SEL1L: variants seen among roughly 807,000 people sequenced by gnomAD.
The protein encoded by SEL1L is protein sel-1 homolog 1.
SEL1L carries 52 observed loss-of-function variants against 109.8 expected under a neutral mutation model. The ratio of observed to expected loss-of-function variants is 0.47; its 90% CI spans 0.38 to 0.60. SEL1L has a LOEUF of 0.60. Ranked by LOEUF, SEL1L falls within the 20% of genes least tolerant of loss-of-function variation. The pLI is 0.00. For missense variants in SEL1L, 749 were observed against 962.2 expected, an observed-to-expected ratio of 0.78 and a Z score of 2.93; for synonymous variants, 373 against 339.6, an observed-to-expected ratio of 1.10 and a Z score of -1.08.
intron 3 of SEL1L, among the ~76,000 whole-genome samples, chr14:81,521,927 T>C (rs1017239861): frequency 3.3e-5 from 5 of 152,120 alleles, no homozygotes; most frequent in South Asian, 4.1e-4. Context: ...GATGTGGAGG[T>C]GGAAGACAGT....
At chr14:81,510,510 C>CTATATATATATATA (rs1424985040) in intron 3 of SEL1L, among the ~76,000 whole-genome samples, 14 of 108,398 alleles carry the variant, frequency 1.3e-4, no homozygotes, top group East Asian at 2.8e-4. Flanking sequence ...CTCTCTCTCT[C>CTATATATATATATA]TCTCTATATA....
chr14:81,518,780 CA>C (rs1310511553), intron 3 of SEL1L, among the ~76,000 whole-genome samples: 1 of 151,798 alleles, frequency 6.6e-6, no homozygotes, highest in Non-Finnish European at 1.5e-5. Flanking sequence ...TGGCTAAGTC[CA>C]GGCCTCCTAA....
intron 3 of SEL1L, among the ~76,000 whole-genome samples, chr14:81,523,194 T>C (rs1450044540): frequency 6.6e-6 from 1 of 152,114 alleles, no homozygotes; most frequent in African/African-American, 2.4e-5. Context: ...AAACCAACCA[T>C]TAGATTAGAT....
intron 4 of SEL1L, 129 bp downstream of exon 4, chr14:81,505,945 G>T: frequency 1.2e-6 from 1 of 847,166 alleles, no homozygotes. Flanking sequence ...ACTCTTTAAG[G>T]CTGTAATGAC....
intron 1 of SEL1L, among the ~76,000 whole-genome samples, chr14:81,529,536 C>T (rs1440276691): frequency 6.6e-6 from 1 of 152,168 alleles, no homozygotes; most frequent in East Asian, 1.9e-4. Flanking sequence ...CACTTAAAGA[C>T]ATGTACATTT....
intron 13 of SEL1L, 23 bp from the exon 14 acceptor site, chr14:81,489,337 A>G: frequency 6.3e-7 from 1 of 1,591,810 alleles, no homozygotes; most frequent in Non-Finnish European, 8.6e-7. Flanking sequence ...GAAATCAGAC[A>G]AAAGAGTGAA....
rs148819540 is a variant in SEL1L, at chr14:81,513,489, C to T, written c.341-7248G>A. ...GCCACCTTAAGAACTGTAACACTCA[C>T]CGCGAGAGTCCGTGGCTTCATTCTT... On this transcript the variant is annotated intron_variant, in intron 3 of 20. Coordinates refer to ENST00000336735, the MANE Select transcript of SEL1L (RefSeq NM_005065.6). 1.1e-4 allele frequency among the ~76,000 whole-genome samples: 17 copies of T among 152,276 alleles called. No individual in the cohort carries two copies. The East Asian group carries it at 2.5e-3, about 23-fold the overall frequency.
At chr14:81,487,287 A>T in intron 16 of SEL1L, 103 bp downstream of exon 16, 1 of 1,138,722 alleles carries the variant, frequency 8.8e-7, no homozygotes, top group African/African-American at 1.6e-5. Flanking sequence ...GGCTGAGTCT[A>T]GAACTACAGA....
chr14:81,487,491 T>C lies in SEL1L; in HGVS notation c.1531A>G (p.Asn511Asp), dbSNP rs770420137. 1 of 1,607,576 alleles carries C rather than the reference T, an allele frequency of 6.2e-7. No homozygotes were observed. Among genetic ancestry groups the C allele is most frequent in the Non-Finnish European group, 8.5e-7 (1 of 1,178,738 alleles). Residue 511 changes from asparagine (N) to aspartate (D), a missense_variant, in exon 16 of 21, where the codon AAT (asparagine) becomes GAT (aspartate). Coordinates refer to ENST00000336735, the MANE Select transcript of SEL1L (RefSeq NM_005065.6). ...RDYKQALKYF[N>D]LASQGGHILA... ...ATATGGCCTCCCTGAGAAGCTAAAT[T>C]AAAATACTTCAAGGCCTGTTTATAA...
chr14:81,508,380 C>G (rs907231017), intron 3 of SEL1L, among the ~76,000 whole-genome samples: 1 of 152,040 alleles, frequency 6.6e-6, no homozygotes, highest in African/African-American at 2.4e-5. Context: ...AGGAGTCATT[C>G]TGACTACAGA....
chr14:81,488,270 T>C (rs976012427), intron 14 of SEL1L, among the ~76,000 whole-genome samples: 3 of 152,168 alleles, frequency 2.0e-5, no homozygotes, highest in Admixed American at 1.3e-4. Context: ...TTTTTAAACC[T>C]CAATTTTCCT....
intron 4 of SEL1L, among the ~76,000 whole-genome samples, chr14:81,504,954 C>CTG (rs927078575): frequency 5.3e-5 from 8 of 152,282 alleles, no homozygotes; most frequent in Admixed American, 5.2e-4. Flanking sequence ...ATCATGCTTC[C>CTG]TGTACAGCTT....
At chr14:81,528,694 C>T (rs1885209478) in intron 1 of SEL1L, among the ~76,000 whole-genome samples, 1 of 152,130 alleles carries the variant, frequency 6.6e-6, no homozygotes, top group South Asian at 2.1e-4. Context: ...TTCAGTTTTA[C>T]CTGCTCCATA....
chr14:81,533,853 T>G lies in SEL1L; in HGVS notation c.-109A>C. The G allele has an allele frequency of 2.6e-6, 3 of 1,158,402 alleles. No homozygotes were observed. The highest frequency in any genetic ancestry group is 2.5e-6 in the Non-Finnish European group (2 of 800,374). The allele number at this position is 1,158,402 out of a possible 1,614,324, so 71.8% of individuals were successfully genotyped here. A position where few individuals can be genotyped will look rare whatever the true frequency, so the allele number is the denominator to read the frequency against. ...CGCTGCTCTTCCTGCTCTAGTCTCCTTCCTCCGCCCCTTCCCAGGCTTCCC... is the reference window on the plus strand; with the variant it reads ...CGCTGCTCTTCCTGCTCTAGTCTCCGTCCTCCGCCCCTTCCCAGGCTTCCC... On this transcript the variant is annotated 5_prime_UTR_variant, in exon 1 of 21. Transcript: ENST00000336735.
chr14:81,526,750 T>C lies in SEL1L; in HGVS notation c.323A>G (p.Lys108Arg), dbSNP rs1041836244. The C allele has an allele frequency of 1.2e-6, 2 of 1,612,808 alleles. No individual in the cohort carries two copies. Among genetic ancestry groups the C allele is most frequent in the Admixed American group, 3.3e-5 (2 of 59,770 alleles). The change falls in exon 3 of 21, where the codon AAG becomes AGG. Residue 108 changes from lysine to arginine, a missense_variant. Physicochemically the swap from Lys to Arg is conservative, Grantham distance 26. Coordinates refer to ENST00000336735, the MANE Select transcript of SEL1L (RefSeq NM_005065.6). Reference sequence around the variant, plus strand: ...CAGACTACCTGGTTTCCGTACTTTCTTTGGCTCTTCATAGTCCTTGTTTTC... The same window carrying C: ...CAGACTACCTGGTTTCCGTACTTTCCTTGGCTCTTCATAGTCCTTGTTTTC... ...NPENKDYEEP[K>R]KVRKPALTAI...
At chr14:81,504,853 T>C (rs894810717) in intron 4 of SEL1L, among the ~76,000 whole-genome samples, 2 of 152,092 alleles carry the variant, frequency 1.3e-5, no homozygotes, top group Admixed American at 1.3e-4. Flanking sequence ...CTCCTCATCA[T>C]CTCTCTCGTT....
rs1240539361 is a variant in SEL1L at position 81,486,466 on chromosome 14, G to A, written c.1633-12C>T. 2 of 1,603,614 alleles carry A rather than the reference G, an allele frequency of 1.2e-6. No homozygotes were observed. Among genetic ancestry groups the A allele is most frequent in the Middle Eastern group, 1.7e-4 (1 of 5,992 alleles). ...ACATTCTTAAACAACTGTGTGAGGT[G>A]GGGAAAAAAAATATCAGTAGAAGAA... On this transcript the variant is annotated splice_polypyrimidine_tract_variant and intron_variant, in intron 16 of 20. Coordinates refer to ENST00000336735, the MANE Select transcript of SEL1L (RefSeq NM_005065.6).
At chr14:81,529,534 G>C (rs1885245923) in intron 1 of SEL1L, among the ~76,000 whole-genome samples, 2 of 152,298 alleles carry the variant, frequency 1.3e-5, no homozygotes, top group South Asian at 2.1e-4. Flanking sequence ...TACACTTAAA[G>C]ACATGTACAT....
chr14:81,476,022 T>G lies in SEL1L; in HGVS notation c.*950A>C, dbSNP rs1321050367. ...ATTCAGGAAGGTGATGTGTTCTTTGTGCAAAAAGAAATGCAAAGTAAAATA... is the reference window on the plus strand; with the variant it reads ...ATTCAGGAAGGTGATGTGTTCTTTGGGCAAAAAGAAATGCAAAGTAAAATA... On this transcript the variant is annotated 3_prime_UTR_variant, in exon 21 of 21. Coordinates refer to ENST00000336735, the MANE Select transcript of SEL1L (RefSeq NM_005065.6). The G allele has an allele frequency of 1.3e-5, 2 of 152,186 alleles. No individual in the cohort carries two copies. Among genetic ancestry groups the G allele is most frequent in the Non-Finnish European group, 2.9e-5 (2 of 68,030 alleles). 9.4% of individuals were successfully genotyped at this position (152,186 alleles called of 1,614,324 possible).
Sources: allele counts gnomAD v4.1 joint callset (sites outside exome capture counted in the v4.1 genomes callset), GRCh38; gene constraint gnomAD v4.1.1; transcripts MANE v1.5; gene names NCBI Gene and HGNC (gene_info 2026-07-23, HGNC 2026-07-21).